Variants in TESMIN observed in about 807,000 individuals in gnomAD.
The protein encoded by TESMIN is testis expressed metallothionein like protein.
Under a neutral mutation model 47.4 loss-of-function variants are expected in TESMIN, and 34 were observed. The ratio of observed to expected loss-of-function variants is 0.72; its 90% CI spans 0.55 to 0.96. The LOEUF is 0.96. Among genes scored for constraint, TESMIN ranks in the 40% least tolerant of loss-of-function variants. The probability of loss-of-function intolerance (pLI) is 0.00; values close to 1 mark genes in which losing one functional copy is unlikely to be tolerated. For synonymous variants in TESMIN, 278 were observed against 258.9 expected (o/e 1.07, Z -0.71); for missense variants, 610 against 637.2 (o/e 0.96, Z 0.46).
rs1382373258 is a variant in TESMIN at position 68,708,325 on chromosome 11, C to T, written c.1510G>A (p.Gly504Arg). The T allele has an allele frequency of 2.5e-6, 4 of 1,605,898 alleles. No individual in the cohort carries two copies. The highest frequency in any genetic ancestry group is 3.4e-6 in the Non-Finnish European group (4 of 1,176,578). Residue 504 changes from glycine to arginine, a missense_variant, in exon 10 of 10, where the codon GGA becomes AGA. By Grantham distance (125) the Gly-to-Arg change is moderately radical. Transcript: ENST00000255087. ...QILHTEFKSK[G>R]LKME is the part of the protein sequence containing the mutation. ...TTTATACTCTACTCCATTTTCAATC[C>T]CTTAGATTTAAACTCAGTGTGGAGA...
At chr11:68,734,818 G>C (rs1946368508) in intron 6 of TESMIN, among the ~76,000 whole-genome samples, 1 of 152,238 alleles carries the variant, frequency 6.6e-6, no homozygotes. Context: ...TCTTCGCCCT[G>C]TCCTCTGTGC....
At position 68,747,375 on chromosome 11, in the gene TESMIN, A is replaced by G; in HGVS notation, c.472-9T>C. 1.2e-6 allele frequency: 2 copies of G among 1,608,464 alleles called. No individual in the cohort carries two copies. Among genetic ancestry groups the G allele is most frequent in the Non-Finnish European group, 1.7e-6 (2 of 1,174,988 alleles). ...GCTTCCTTGATTTCAACCTAGAAAA[A>G]AGCAATAATTATTTTAGAGAACACA... On this transcript the variant is annotated splice_polypyrimidine_tract_variant and intron_variant, in intron 2 of 9. Coordinates refer to ENST00000255087, the MANE Select transcript of TESMIN (RefSeq NM_004923.3).
intron 4 of TESMIN, 147 bp downstream of exon 4, chr11:68,744,844 T>C: frequency 1.6e-6 from 1 of 608,398 alleles, no homozygotes; most frequent in Non-Finnish European, 2.7e-6. Flanking sequence ...CATTTTTATA[T>C]TCTTAGCTTA....
intron 6 of TESMIN, among the ~76,000 whole-genome samples, chr11:68,716,696 T>C (rs1946143575): frequency 6.6e-6 from 1 of 152,234 alleles, no homozygotes. Flanking sequence ...CGCCTGCTCC[T>C]GCATTGTAAG....
chr11:68,722,751 G>A (rs1946217356), intron 6 of TESMIN, among the ~76,000 whole-genome samples: 1 of 152,134 alleles, frequency 6.6e-6, no homozygotes, highest in South Asian at 2.1e-4. Context: ...ACTAGAGAAA[G>A]AAAACATGGT....
intron 5 of TESMIN, 151 bp downstream of exon 5, chr11:68,742,167 T>A: frequency 1.8e-6 from 1 of 564,214 alleles, no homozygotes; most frequent in Non-Finnish European, 3.1e-6. Context: ...TCTGACACAG[T>A]GGGGCAGGGA....
chr11:68,737,556 T>A (rs527891321), intron 6 of TESMIN: 3 of 985,622 alleles, frequency 3.0e-6, no homozygotes, highest in East Asian at 2.3e-4. Flanking sequence ...GCGGGCTGTA[T>A]CCTGTAAGGT....
intron 6 of TESMIN, among the ~76,000 whole-genome samples, chr11:68,719,101 G>A (rs1365532605): frequency 6.6e-6 from 1 of 152,210 alleles, no homozygotes; most frequent in East Asian, 1.9e-4. Flanking sequence ...GGGGGTCCAA[G>A]ACGAGAGCTG....
At chr11:68,711,588 G>A (rs376526333) in intron 8 of TESMIN, among the ~76,000 whole-genome samples, 1 of 152,144 alleles carries the variant, frequency 6.6e-6, no homozygotes, top group Middle Eastern at 3.2e-3. Flanking sequence ...CTCTACCCGG[G>A]AGCCAGCAGG....
intron 5 of TESMIN, among the ~76,000 whole-genome samples, chr11:68,740,742 C>T (rs1946446243): frequency 6.6e-6 from 1 of 152,152 alleles, no homozygotes; most frequent in Non-Finnish European, 1.5e-5. Context: ...TCAATTTACA[C>T]TCACTTCCTT....
At chr11:68,709,784 C>T (rs1225602391) in intron 9 of TESMIN, among the ~76,000 whole-genome samples, 1 of 152,188 alleles carries the variant, frequency 6.6e-6, no homozygotes, top group Non-Finnish European at 1.5e-5. Context: ...CCGGACTCCA[C>T]AGAACACACA....
intron 6 of TESMIN, among the ~76,000 whole-genome samples, chr11:68,718,203 T>C (rs1946164507): frequency 2.9e-5 from 1 of 34,528 alleles, no homozygotes; most frequent in Admixed American, 3.5e-4. Context: ...TTCTTAAGTA[T>C]GAGCAGAGTG....
In TESMIN at chr11:68,747,257, TC is replaced by T; in HGVS notation, c.580del (p.Glu194AsnfsTer2). ...AGAACAGCAGGAGGCATCCTCTAGT[TC>T]CTGGGACGATGGGAACTTGCAACAG... is the stretch of plus-strand genomic sequence containing the variant. Reference protein sequence around the residue: ...ESCCKFPSSQELEDASCCSLK... With the variant: ...ESCCKFPSSQXLEDASCCSLK... On this transcript the variant is annotated frameshift_variant, in exon 3 of 10. Coordinates refer to ENST00000255087, the MANE Select transcript of TESMIN (RefSeq NM_004923.3). LOFTEE classifies it high-confidence loss of function. 1 of 1,614,172 alleles carries T rather than the reference TC, an allele frequency of 6.2e-7. No individual in the cohort carries two copies. Among genetic ancestry groups the T allele is most frequent in the Non-Finnish European group, 8.5e-7 (1 of 1,179,994 alleles).
At chr11:68,717,441 C>T (rs1194968239) in intron 6 of TESMIN, among the ~76,000 whole-genome samples, 1 of 152,180 alleles carries the variant, frequency 6.6e-6, no homozygotes, top group Non-Finnish European at 1.5e-5. Flanking sequence ...AGAGACAACT[C>T]CACTCCACAA....
intron 5 of TESMIN, 84 bp downstream of exon 5, chr11:68,742,234 C>A: frequency 1.2e-6 from 1 of 807,954 alleles, no homozygotes; most frequent in Admixed American, 2.9e-5. Flanking sequence ...AATTATATTT[C>A]CTGAGTAATT....
chr11:68,737,330 G>T, intron 6 of TESMIN: 2 of 985,518 alleles, frequency 2.0e-6, no homozygotes, highest in Non-Finnish European at 2.4e-6. Context: ...TACAACAGCT[G>T]AAAGAGCCAC....
At position 68,738,637 on chromosome 11, in the gene TESMIN, A is replaced by G. The variant is rs116799338; in HGVS notation, c.917+63T>C. 787 of 1,600,812 alleles carry G rather than the reference A, an allele frequency of 4.9e-4. 5 individuals carry two copies. The African/African-American group carries it at 9.4e-3, about 19-fold the overall frequency. On this transcript the variant is annotated intron_variant, in intron 6 of 9. Coordinates refer to ENST00000255087, the MANE Select transcript of TESMIN (RefSeq NM_004923.3). The stretch of plus-strand genomic sequence containing the variant: ...TTTATAGTATAGAAGAAAATCGTGA[A>G]CGTATCCAAGAGTCTCTTAAATTAT...
intron 6 of TESMIN, among the ~76,000 whole-genome samples, chr11:68,722,634 A>C (rs1946215926): frequency 6.6e-6 from 1 of 152,190 alleles, no homozygotes. Flanking sequence ...TGCTTTTTTG[A>C]AAAATTCAGC....
rs371582085 is a variant in TESMIN, at chr11:68,747,336, T to C, written c.502A>G (p.Thr168Ala). 1.2e-5 allele frequency: 19 copies of C among 1,613,752 alleles called. No homozygotes were observed. Among genetic ancestry groups the C allele is most frequent in the Non-Finnish European group, 1.5e-5 (18 of 1,179,702 alleles). Residue 168 changes from threonine (T) to alanine (A), a missense_variant, in exon 3 of 10, where the codon ACA becomes GCA. Transcript: ENST00000255087. The stretch of plus-strand genomic sequence containing the variant: ...GTTGCTTCTTCCGGATTATTACTTG[T>C]AGTAGTACCACCTGCTTCCTTGATT... The part of the protein sequence containing the change: ...VEIKEAGGTT[T>A]SNNPEEATLQ...
Sources: allele counts gnomAD v4.1 joint callset (sites outside exome capture counted in the v4.1 genomes callset), GRCh38; gene constraint gnomAD v4.1.1; transcripts MANE v1.5; gene names NCBI Gene and HGNC (gene_info 2026-07-23, HGNC 2026-07-21).